Variants in TBL1X observed in about 807,000 individuals in gnomAD.
The protein encoded by TBL1X is F-box-like/WD repeat-containing protein TBL1X.
Under a neutral mutation model 50.7 loss-of-function variants are expected in TBL1X, and 10 were observed. That is an observed-to-expected ratio of 0.20 (90% CI 0.12 to 0.33). The LOEUF is 0.33. TBL1X is among the 10% of genes least tolerant of loss of function. The probability of loss-of-function intolerance (pLI) is 1.00; values close to 1 mark genes in which losing one functional copy is unlikely to be tolerated. For missense variants in TBL1X, 340 were observed against 504.4 expected (o/e 0.67, Z 3.12); for synonymous variants, 190 against 214.7 (o/e 0.88, Z 1.01).
At chrX:9,606,252 C>T (rs762954318) in intron 2 of TBL1X, among the ~76,000 whole-genome samples, 59 of 111,890 alleles carry the variant, frequency 5.3e-4, no homozygotes, top group African/African-American at 1.9e-3. Context: ...TCACGGGGAC[C>T]GACCGTCTGA....
intron 1 of TBL1X, among the ~76,000 whole-genome samples, chrX:9,488,104 T>G (rs961940127): frequency 8.9e-6 from 1 of 112,452 alleles, no homozygotes; most frequent in Non-Finnish European, 1.9e-5. Context: ...GGGGCATCTG[T>G]ACCTGCAATG....
At chrX:9,613,960 T>G (rs756233097) in intron 2 of TBL1X, among the ~76,000 whole-genome samples, 207 of 82,240 alleles carry the variant, frequency 2.5e-3, no homozygotes, top group African/African-American at 0.01. Context: ...CACTCCAGCC[T>G]GGGCGACAGA....
At chrX:9,589,942 C>T (rs770721571) in intron 2 of TBL1X, among the ~76,000 whole-genome samples, 4 of 111,989 alleles carry the variant, frequency 3.6e-5, no homozygotes, top group South Asian at 3.8e-4. Flanking sequence ...CTGTGATAAT[C>T]TGAGAAGGAC....
At chrX:9,655,489 C>T (rs2082860198) in intron 5 of TBL1X, among the ~76,000 whole-genome samples, 1 of 111,840 alleles carries the variant, frequency 8.9e-6, no homozygotes. Context: ...GCAATAATTA[C>T]ATCTGCAGTG....
At chrX:9,515,534 C>T (rs190071809) in intron 2 of TBL1X, among the ~76,000 whole-genome samples, 24 of 112,065 alleles carry the variant, frequency 2.1e-4, no homozygotes, top group Admixed American at 1.6e-3. Context: ...GCCAGATCAT[C>T]GAACATCCCC....
At chrX:9,700,667 T>C (rs1293100281) in intron 12 of TBL1X, among the ~76,000 whole-genome samples, 1 of 111,791 alleles carries the variant, frequency 8.9e-6, no homozygotes, top group African/African-American at 3.3e-5. Context: ...GGAGCGCCTT[T>C]CTGTGGCTGT....
intron 5 of TBL1X, among the ~76,000 whole-genome samples, chrX:9,680,224 TG>T (rs1298403088): frequency 1.3e-4 from 14 of 111,693 alleles, no homozygotes; most frequent in South Asian, 7.6e-4. Context: ...CATACAAATC[TG>T]GGGGGGACAC....
intron 2 of TBL1X, among the ~76,000 whole-genome samples, chrX:9,539,996 A>G (rs1018354536): frequency 1.8e-5 from 2 of 112,742 alleles, no homozygotes; most frequent in African/African-American, 6.4e-5. Context: ...AATATCCAGA[A>G]CAGGTGCAGA....
chrX:9,501,772 T>C lies in TBL1X; in HGVS notation c.-200-8T>C, dbSNP rs754242055. 8.9e-6 allele frequency: 1 copy of C among 112,113 alleles called. No individual in the cohort carries two copies. The highest frequency in any genetic ancestry group is 1.9e-5 in the Non-Finnish European group (1 of 53,221). The allele number at this position is 112,113 out of a possible 1,213,427, so 9.2% of individuals were successfully genotyped here. A position where few individuals can be genotyped will look rare whatever the true frequency, so the allele number is the denominator to read the frequency against. ...GTGACACTGCTGCTATTTTACTGTT[T>C]CTTCCAGATTTCCGTGAGGGTGGAA... On this transcript the variant is annotated splice_polypyrimidine_tract_variant and splice_region_variant and intron_variant, in intron 1 of 17. Transcript: ENST00000645353.
At chrX:9,509,118 T>C (rs2082041115) in intron 2 of TBL1X, among the ~76,000 whole-genome samples, 1 of 107,962 alleles carries the variant, frequency 9.3e-6, no homozygotes, top group Admixed American at 1.0e-4. Context: ...CCGGGTGCGG[T>C]GGCTCACACC....
At chrX:9,662,428 T>C (rs908569288) in intron 5 of TBL1X, among the ~76,000 whole-genome samples, 1 of 111,894 alleles carries the variant, frequency 8.9e-6, no homozygotes, top group Non-Finnish European at 1.9e-5. Flanking sequence ...CGGATGACAC[T>C]TGAAGACACT....
intron 1 of TBL1X, among the ~76,000 whole-genome samples, chrX:9,497,507 T>A (rs1167650995): frequency 9.1e-6 from 1 of 109,763 alleles, no homozygotes; most frequent in East Asian, 2.9e-4. Context: ...TACGGTGGTG[T>A]CATTAGCAAC....
At chrX:9,629,216 A>G (rs2082708118) in intron 2 of TBL1X, among the ~76,000 whole-genome samples, 2 of 113,082 alleles carry the variant, frequency 1.8e-5, no homozygotes, top group Admixed American at 1.9e-4. Context: ...TACTGCACAC[A>G]GGCCAACTGG....
chrX:9,598,483 CAG>C (rs1295355075), intron 2 of TBL1X, among the ~76,000 whole-genome samples: 14 of 111,669 alleles, frequency 1.3e-4, no homozygotes, highest in Non-Finnish European at 2.3e-4. Flanking sequence ...CTGATCCAAG[CAG>C]AGTTTGCTCG....
intron 2 of TBL1X, among the ~76,000 whole-genome samples, chrX:9,560,296 C>T (rs1025440706): frequency 3.6e-5 from 4 of 112,354 alleles, no homozygotes; most frequent in East Asian, 5.6e-4. Context: ...CAGGTGAGAA[C>T]AGGAGGTACT....
At chrX:9,684,414 A>G (rs775400050) in intron 6 of TBL1X, among the ~76,000 whole-genome samples, 1 of 109,442 alleles carries the variant, frequency 9.1e-6, no homozygotes, top group East Asian at 2.9e-4. Context: ...GTGTAACAGC[A>G]TTTCTACAAA....
At chrX:9,593,317 G>A (rs911303141) in intron 2 of TBL1X, among the ~76,000 whole-genome samples, 5 of 109,858 alleles carry the variant, frequency 4.6e-5, no homozygotes, top group African/African-American at 1.7e-4. Context: ...CAGGAGAATC[G>A]CTTGAACCCG....
At chrX:9,526,927 TC>T (rs1213047900) in intron 2 of TBL1X, among the ~76,000 whole-genome samples, 2 of 111,152 alleles carry the variant, frequency 1.8e-5, no homozygotes, top group Non-Finnish European at 3.8e-5. Flanking sequence ...GGGGAGTCAG[TC>T]CCCTGTCATG....
intron 17 of TBL1X, among the ~76,000 whole-genome samples, chrX:9,715,302 C>T (rs1036616355): frequency 3.6e-5 from 4 of 112,338 alleles, no homozygotes; most frequent in African/African-American, 1.3e-4. Flanking sequence ...GTTGTCACTA[C>T]AGTCATGTGT....
Sources: allele counts gnomAD v4.1 joint callset (sites outside exome capture counted in the v4.1 genomes callset), GRCh38; gene constraint gnomAD v4.1.1; transcripts MANE v1.5; gene names NCBI Gene and HGNC (gene_info 2026-07-23, HGNC 2026-07-21).